The following FANCI variants were observed in gnomAD, a reference collection of about 807,000 sequenced individuals.
FANCI encodes the protein Fanconi anemia group I protein.
A neutral mutation model predicts 176.1 loss-of-function variants in FANCI; 156 were observed. That is an observed-to-expected ratio of 0.89 (90% confidence interval 0.78 to 1.01). FANCI has a LOEUF of 1.01. Among genes scored for constraint, FANCI ranks in the 50% least tolerant of loss-of-function variants. FANCI has a pLI of 0.00. For synonymous variants in FANCI, 613 were observed against 541.7 expected, an observed-to-expected ratio of 1.13 and a Z score of -1.83; for missense variants, 1,678 against 1,534.1, an observed-to-expected ratio of 1.09 and a Z score of -1.57.
intron 2 of FANCI, among the ~76,000 whole-genome samples, chr15:89,257,721 T>TA (rs1209049292): frequency 1.3e-5 from 2 of 152,270 alleles, no homozygotes; most frequent in African/African-American, 4.8e-5. Flanking sequence ...AGCTTCAACA[T>TA]ATGAAATTTG....
At chr15:89,299,701 C>T in intron 24 of FANCI, 99 bp from the exon 25 acceptor site, 3 of 1,248,300 alleles carry the variant, frequency 2.4e-6, no homozygotes, top group Non-Finnish European at 3.4e-6. Context: ...TTTTTTTAAA[C>T]TTCTAGAACT....
At chr15:89,311,555 C>T (rs1030685429) in intron 34 of FANCI, among the ~76,000 whole-genome samples, 1 of 152,224 alleles carries the variant, frequency 6.6e-6, no homozygotes, top group African/African-American at 2.4e-5. Context: ...AGATGGTTCA[C>T]TTCCCACTTG....
At position 89,307,594 on chromosome 15, in the gene FANCI, C is replaced by T. The variant is rs779541442; in HGVS notation, c.3592-19C>T. The T allele has an allele frequency of 2.5e-6, 4 of 1,614,008 alleles. No homozygotes were observed. The African/African-American group carries it at 4.0e-5, about 16-fold the overall frequency. On this transcript the variant is annotated intron_variant, in intron 33 of 37. Coordinates refer to ENST00000310775, the MANE Select transcript of FANCI (RefSeq NM_001113378.2). Reference sequence around the variant, plus strand: ...TTTTACTGCTGGTTACATTGGTTTCCTTCTCCCTTGTTGTGCAGGTGAAGC... The same window carrying T: ...TTTTACTGCTGGTTACATTGGTTTCTTTCTCCCTTGTTGTGCAGGTGAAGC...
Position 89,283,123 on chromosome 15 carries a change from A to G in FANCI, c.1584-13A>G, listed in dbSNP as rs777784543. 6.2e-6 allele frequency: 10 copies of G among 1,613,858 alleles called. No individual in the cohort carries two copies. Among genetic ancestry groups the G allele is most frequent in the East Asian group, 4.5e-5 (2 of 44,882 alleles). ...AATAGTACTGTTTGTTAACTTCTCT[A>G]TTTCTGAGCTAGCCAGCTTGATGCC... On this transcript the variant is annotated splice_polypyrimidine_tract_variant and intron_variant, in intron 16 of 37. Transcript: ENST00000310775.
chr15:89,312,790 G>C (rs2151989010), intron 34 of FANCI, 114 bp from the exon 35 acceptor site: 2 of 798,804 alleles, frequency 2.5e-6, no homozygotes, highest in Middle Eastern at 3.4e-4. Flanking sequence ...CTGCACACCA[G>C]CCTGGGTGAC....
intron 9 of FANCI, among the ~76,000 whole-genome samples, chr15:89,267,438 A>C (rs7167930): frequency 0.37 from 56,486 of 151,198 alleles, 10,660 homozygotes; most frequent in Non-Finnish European, 0.39. Context: ...CTGAGATGTT[A>C]ATTAAGATGG....
At chr15:89,260,507 G>A (rs1294806184) in intron 3 of FANCI, among the ~76,000 whole-genome samples, 5 of 152,216 alleles carry the variant, frequency 3.3e-5, no homozygotes, top group Non-Finnish European at 7.3e-5. Flanking sequence ...ATAGGTAGAT[G>A]AAGAAAAGAT....
chr15:89,306,096 G>A lies in FANCI; in HGVS notation c.3439G>A (p.Glu1147Lys), dbSNP rs947003968. ...GGGAACTCTGCTTACATTTTTCCAC[G>A]AGCTGGTGCAGACAGCTCTGCCATC... ...QLGTLLTFFHELVQTALPSGS... is the reference protein window; with the variant it reads ...QLGTLLTFFHKLVQTALPSGS... The change falls in exon 32 of 38, where the codon GAG (glutamate) becomes AAG (lysine). Residue 1147 changes from glutamate to lysine, a missense_variant. Coordinates refer to ENST00000310775, the MANE Select transcript of FANCI (RefSeq NM_001113378.2). 1.9e-6 allele frequency: 3 copies of A among 1,613,976 alleles called. No individual in the cohort carries two copies. Among genetic ancestry groups the A allele is most frequent in the Non-Finnish European group, 2.5e-6 (3 of 1,180,040 alleles).
intron 15 of FANCI, 41 bp from the exon 16 acceptor site, chr15:89,281,724 A>G: frequency 6.3e-7 from 1 of 1,593,356 alleles, no homozygotes; most frequent in Non-Finnish European, 8.6e-7. Flanking sequence ...TAAGGCTAAT[A>G]AGCAAACTTG....
At chr15:89,276,338 C>G (rs976398690) in intron 12 of FANCI, among the ~76,000 whole-genome samples, 3 of 152,202 alleles carry the variant, frequency 2.0e-5, no homozygotes, top group African/African-American at 7.2e-5. Flanking sequence ...TAGAGAATCT[C>G]TGTCTTTGGA....
At position 89,291,612 on chromosome 15, in the gene FANCI, G is replaced by T; in HGVS notation, c.1891-1G>T. On this transcript the variant is annotated splice_acceptor_variant, in intron 19 of 37. Coordinates refer to ENST00000310775, the MANE Select transcript of FANCI (RefSeq NM_001113378.2). LOFTEE classifies it high-confidence loss of function. ...TGTCTTTTTTTTCTTACTATACACAGTTAAAACAGTTCTATGAGCCAAAAC... is the reference window on the plus strand; with the variant it reads ...TGTCTTTTTTTTCTTACTATACACATTTAAAACAGTTCTATGAGCCAAAAC... 6.2e-7 allele frequency: 1 copy of T among 1,612,854 alleles called. No individual in the cohort carries two copies. The highest frequency in any genetic ancestry group is 8.5e-7 in the Non-Finnish European group (1 of 1,179,068).
chr15:89,296,163 C>T (rs2054260600), intron 24 of FANCI, among the ~76,000 whole-genome samples: 1 of 152,138 alleles, frequency 6.6e-6, no homozygotes, highest in African/African-American at 2.4e-5. Flanking sequence ...CAGGGTTTCA[C>T]CATGTTGGCC....
chr15:89,281,808 T>C lies in FANCI; in HGVS notation c.1556T>C (p.Leu519Pro), dbSNP rs998713167. 3 of 1,613,958 alleles carry C rather than the reference T, an allele frequency of 1.9e-6. No homozygotes were observed. Among genetic ancestry groups the C allele is most frequent in the African/African-American group, 2.7e-5 (2 of 75,058 alleles). ...ATGTCAATGAGAGACTGCTTGATAC[T>C]TGTCCTTCGGAAAGCTATGTTTGCC... ...VSMSMRDCLI[L>P]VLRKAMFANQ... The change falls in exon 16 of 38, where the codon CTT becomes CCT. Residue 519 changes from leucine (L) to proline (P), a missense_variant. Transcript: ENST00000310775.
chr15:89,248,972 C>T (rs555452670), intron 2 of FANCI, among the ~76,000 whole-genome samples: 5 of 152,100 alleles, frequency 3.3e-5, no homozygotes, highest in Admixed American at 2.6e-4. Flanking sequence ...GCCAGGAGTT[C>T]GAGATCAGCT....
chr15:89,315,240 C>G (rs558895941), intron 36 of FANCI, 42 bp from the exon 37 acceptor site: 21 of 1,447,530 alleles, frequency 1.5e-5, no homozygotes, highest in East Asian at 4.5e-5. Flanking sequence ...CTGGCAGGAC[C>G]TATGAGTAGG....
intron 6 of FANCI, among the ~76,000 whole-genome samples, chr15:89,262,673 A>G (rs2052763942): frequency 6.6e-6 from 1 of 152,198 alleles, no homozygotes. Context: ...TTAAGCATGT[A>G]TTTGTCAATT....
At chr15:89,296,930 ACCTC>A (rs1239894968) in intron 24 of FANCI, among the ~76,000 whole-genome samples, 4 of 117,600 alleles carry the variant, frequency 3.4e-5, no homozygotes, top group African/African-American at 1.3e-4. Context: ...TGACCCCCCC[ACCTC>A]CCTCCCGGAC....
rs746599453 is a variant in FANCI, at chr15:89,314,832, CCTCT to C, written c.3816+127_3816+130del. Reference sequence around the variant, plus strand: ...GGCCATTTGTGTGTTTGCCATCCCCCCTCTCCCCCCCCCCCCCTTTTTTTTTTTG... The same window carrying C: ...GGCCATTTGTGTGTTTGCCATCCCCCCCCCCCCCCCCCCTTTTTTTTTTTG... On this transcript the variant is annotated intron_variant, in intron 36 of 37. Transcript: ENST00000310775. 1.7e-3 allele frequency: 871 copies of C among 498,782 alleles called. 1 individual carries two copies. The highest frequency in any genetic ancestry group is 5.5e-3 in the African/African-American group (124 of 22,550). The allele number at this position is 498,782 out of a possible 1,614,324, so 30.9% of individuals were successfully genotyped here.
intron 31 of FANCI, 56 bp from the exon 32 acceptor site, chr15:89,305,951 A>G (rs1396742867): frequency 1.2e-5 from 18 of 1,562,256 alleles, no homozygotes; most frequent in Non-Finnish European, 1.6e-5. Context: ...AATCTCCTTT[A>G]CTCTTAATTA....
Sources: gnomAD v4.1 joint callset for allele counts (sites outside exome capture counted in the v4.1 genomes callset) on GRCh38, gnomAD v4.1.1 for gene constraint, MANE v1.5 for transcripts, NCBI Gene and HGNC (gene_info 2026-07-23, HGNC 2026-07-21) for gene names.